Variants in HS1BP3 observed in about 807,000 individuals in gnomAD.
HS1BP3 encodes the protein HCLS1-binding protein 3.
HS1BP3 carries 32 observed loss-of-function variants against 33.5 expected under a neutral mutation model. The observed-to-expected ratio is 0.95, with a 90% confidence interval of 0.72 to 1.28. The LOEUF is 1.28. Among genes scored for constraint, HS1BP3 ranks in the 50% most tolerant of loss-of-function variants. The pLI is 0.00. For missense variants in HS1BP3, 486 were observed against 502.3 expected (o/e 0.97, Z 0.31); for synonymous variants, 187 against 209.2 (o/e 0.89, Z 0.92).
downstream of HS1BP3, among the ~76,000 whole-genome samples, chr2:20,559,724 ATG>A (rs1459249241): frequency 7.2e-6 from 1 of 138,982 alleles, no homozygotes; most frequent in Non-Finnish European, 1.7e-5. Context: ...GGATGGATGG[ATG>A]GATGGATGGA....
intron 2 of HS1BP3, among the ~76,000 whole-genome samples, chr2:20,601,077 A>G (rs1202942523): frequency 6.6e-6 from 1 of 152,242 alleles, no homozygotes; most frequent in African/African-American, 2.4e-5. Flanking sequence ...ACAGTACTGC[A>G]TATTCTCATG....
At chr2:20,567,463 C>T (rs1478590071) in intron 5 of HS1BP3, among the ~76,000 whole-genome samples, 2 of 152,180 alleles carry the variant, frequency 1.3e-5, no homozygotes, top group Non-Finnish European at 2.9e-5. Flanking sequence ...AGTCCCCATA[C>T]CCACCCTCGC....
intron 4 of HS1BP3, 152 bp downstream of exon 4, chr2:20,638,284 C>T: frequency 1.4e-6 from 1 of 691,214 alleles, no homozygotes; most frequent in Non-Finnish European, 2.5e-6. Context: ...CTACTTCCCC[C>T]AACACACCAG....
chr2:20,592,710 C>G (rs975363221), exon 4 of HS1BP3: 5 of 152,346 alleles, frequency 3.3e-5, no homozygotes, highest in Admixed American at 6.5e-5. Flanking sequence ...CTGGCGTTCC[C>G]CCGCTGGTGG....
At chr2:20,577,271 AGG>A (rs931741725) in intron 5 of HS1BP3, among the ~76,000 whole-genome samples, 5 of 151,956 alleles carry the variant, frequency 3.3e-5, no homozygotes, top group African/African-American at 1.2e-4. Context: ...AGGGTGGGAA[AGG>A]GGGACCCTCC....
chr2:20,648,517 C>T (rs1204375991), intron 1 of HS1BP3, among the ~76,000 whole-genome samples: 2 of 152,186 alleles, frequency 1.3e-5, no homozygotes, highest in African/African-American at 4.8e-5. Flanking sequence ...TGGAGCACCC[C>T]CTCACTCTTG....
chr2:20,573,920 C>T (rs1250778205), intron 5 of HS1BP3, among the ~76,000 whole-genome samples: 2 of 152,196 alleles, frequency 1.3e-5, no homozygotes, highest in East Asian at 1.9e-4. Context: ...TGGTTGGTGA[C>T]TGCAGCAGTG....
chr2:20,621,875 G>A (rs1293968172), intron 6 of HS1BP3, among the ~76,000 whole-genome samples: 1 of 152,224 alleles, frequency 6.6e-6, no homozygotes, highest in African/African-American at 2.4e-5. Context: ...CTATTTCTGA[G>A]TCATGACTAG....
chr2:20,625,101 A>C (rs1263044664), intron 4 of HS1BP3, among the ~76,000 whole-genome samples: 3 of 152,204 alleles, frequency 2.0e-5, no homozygotes, highest in African/African-American at 7.2e-5. Context: ...GAAATCTCTA[A>C]CAGATGGTCA....
intron 1 of HS1BP3, among the ~76,000 whole-genome samples, chr2:20,647,065 A>AG (rs113082187): frequency 0.048 from 7,284 of 152,144 alleles, 298 homozygotes; most frequent in African/African-American, 0.1. Context: ...AACGAGGCAC[A>AG]GGGGGGTGAA....
Position 20,638,253 on chromosome 2 carries a change from C to T in HS1BP3, c.623+183G>A, listed in dbSNP as rs1037703681. On this transcript the variant is annotated intron_variant, in intron 4 of 6. Coordinates refer to ENST00000304031, the MANE Select transcript of HS1BP3 (RefSeq NM_022460.4). ...AAGCCCAGTCCCAGAGACATGCACA[C>T]CACCAAGGGCACGCAGAGAGCTACT... 9 of 621,838 alleles carry T rather than the reference C, an allele frequency of 1.4e-5. No homozygotes were observed. In the East Asian group the frequency reaches 1.9e-4, roughly 13 times the overall value. 38.5% of individuals were successfully genotyped at this position (621,838 alleles called of 1,614,324 possible).
intron 2 of HS1BP3, among the ~76,000 whole-genome samples, chr2:20,644,367 C>T (rs555265236): frequency 6.6e-6 from 1 of 152,288 alleles, no homozygotes; most frequent in African/African-American, 2.4e-5. Context: ...CTCTGCCTTC[C>T]ACTTCTGTTC....
At chr2:20,619,317 GC>G (rs939123197) in intron 6 of HS1BP3, 72 bp from the exon 7 acceptor site, 4 of 1,326,512 alleles carry the variant, frequency 3.0e-6, no homozygotes, top group Non-Finnish European at 4.1e-6. Flanking sequence ...CCCAGGCAAT[GC>G]CAGTGCCCAC....
At chr2:20,614,848 C>T (rs1694389320), downstream of HS1BP3, among the ~76,000 whole-genome samples, 2 of 152,378 alleles carry the variant, frequency 1.3e-5, no homozygotes, top group South Asian at 2.1e-4. Flanking sequence ...TAGCTTTAGC[C>T]TGAGCATGAC....
intron 2 of HS1BP3, among the ~76,000 whole-genome samples, chr2:20,600,765 T>C (rs1312202965): frequency 6.6e-6 from 1 of 152,204 alleles, no homozygotes; most frequent in Non-Finnish European, 1.5e-5. Flanking sequence ...TGAGTGGTTA[T>C]CTTTGAAAAA....
chr2:20,641,465 C>A (rs963519880), intron 2 of HS1BP3, among the ~76,000 whole-genome samples: 1 of 152,186 alleles, frequency 6.6e-6, no homozygotes, highest in African/African-American at 2.4e-5. Flanking sequence ...TACAGGGACC[C>A]CTGCCCAGCC....
intron 6 of HS1BP3, among the ~76,000 whole-genome samples, chr2:20,621,434 TAGAC>T (rs992374557): frequency 2.0e-5 from 3 of 152,248 alleles, no homozygotes; most frequent in Non-Finnish European, 4.4e-5. Context: ...CGGGCCTTCA[TAGAC>T]AGACCAGCTG....
At chr2:20,624,125 G>T in intron 5 of HS1BP3, 94 bp from the exon 6 acceptor site, 1 of 1,437,832 alleles carries the variant, frequency 7.0e-7, no homozygotes, top group Non-Finnish European at 9.4e-7. Context: ...AAGTCTTCTG[G>T]GCAGTCCTAC....
rs567679102 is a variant in HS1BP3 at position 20,648,680 on chromosome 2, C to T, written c.32+2352G>A. Among the ~76,000 whole-genome samples, 7 of 152,316 alleles carry T rather than the reference C, an allele frequency of 4.6e-5. No individual in the cohort carries two copies. The South Asian group carries it at 1.2e-3, about 27-fold the overall frequency. On this transcript the variant is annotated intron_variant, in intron 1 of 6. Coordinates refer to ENST00000304031, the MANE Select transcript of HS1BP3 (RefSeq NM_022460.4). ...TCATCCAGGCTCCAGGCTTTAAATACCATTTCCGAGCCAATGGCTCCCCAA... is the reference window on the plus strand; with the variant it reads ...TCATCCAGGCTCCAGGCTTTAAATATCATTTCCGAGCCAATGGCTCCCCAA...
Sources: allele counts gnomAD v4.1 joint callset (sites outside exome capture counted in the v4.1 genomes callset), GRCh38; gene constraint gnomAD v4.1.1; transcripts MANE v1.5; gene names NCBI Gene and HGNC (gene_info 2026-07-23, HGNC 2026-07-21).